Variants in ZNF658 observed in about 807,000 individuals in gnomAD.
ZNF658 encodes zinc finger protein 658.
ZNF658 carries 46 observed loss-of-function variants against 78.0 expected under a neutral mutation model. The ratio of observed to expected loss-of-function variants is 0.59; its 90% CI spans 0.47 to 0.75. ZNF658 has a LOEUF of 0.75. Ranked by LOEUF, ZNF658 falls within the 30% of genes least tolerant of loss-of-function variation. The pLI, the probability that ZNF658 is intolerant of heterozygous loss-of-function variation, is 0.00. For missense variants in ZNF658, 785 were observed against 1,189.3 expected (o/e 0.66, Z 5.00); for synonymous variants, 279 against 408.4 (o/e 0.68, Z 3.82).
intron 6 of ZNF658, among the ~76,000 whole-genome samples, chr9:66,930,385 AC>A (rs1217685990): frequency 7.0e-6 from 1 of 143,530 alleles, no homozygotes; most frequent in Non-Finnish European, 1.5e-5. Flanking sequence ...CATCTACAAG[AC>A]CCCCAGCAAA....
chr9:66,909,641 A>G (rs1356496767), intron 4 of ZNF658, among the ~76,000 whole-genome samples: 1 of 152,128 alleles, frequency 6.6e-6, no homozygotes. Context: ...AGGAACCACC[A>G]GACTGTTTTT....
rs571313812 is a variant in ZNF658 at position 66,917,706 on chromosome 9, C to T, written c.239-99C>T. On this transcript the variant is annotated intron_variant, in intron 4 of 4. Transcript: ENST00000621410. ...CCAGCCTGGGTGACAGAGCAATACC[C>T]TATTTCAAAAACCAAAACCAAAATC... is the stretch of plus-strand genomic sequence containing the variant. 27 of 1,239,678 alleles carry T rather than the reference C, an allele frequency of 2.2e-5. No homozygotes were observed. In the East Asian group the frequency reaches 5.9e-4, roughly 27 times the overall value. The allele number at this position is 1,239,678 out of a possible 1,614,324, so 76.8% of individuals were successfully genotyped here. A position where few individuals can be genotyped will look rare whatever the true frequency, so the allele number is the denominator to read the frequency against.
Position 66,918,198 on chromosome 9 carries a change from T to A in ZNF658, c.632T>A (p.Leu211Ter), listed in dbSNP as rs751424654. ...KKDQHWKFQT[L>*]EESFECDGSG... Reference sequence around the variant, plus strand: ...GATCAGCATTGGAAATTTCAAACTTTGGAGGAATCTTTTGAATGTGATGGA... The same window carrying A: ...GATCAGCATTGGAAATTTCAAACTTAGGAGGAATCTTTTGAATGTGATGGA... Residue 211 changes from leucine to a stop codon, truncating the protein, a stop_gained, in exon 5 of 5, where the codon TTG (leucine) becomes TAG (stop). Coordinates refer to ENST00000621410, the MANE Select transcript of ZNF658 (RefSeq NM_033160.7). LOFTEE classifies it high-confidence loss of function. 1.2e-6 allele frequency: 2 copies of A among 1,606,268 alleles called. No individual in the cohort carries two copies. Among genetic ancestry groups the A allele is most frequent in the Admixed American group, 1.7e-5 (1 of 58,358 alleles).
At chr9:66,913,139 C>T (rs1822252091) in intron 4 of ZNF658, among the ~76,000 whole-genome samples, 5 of 149,770 alleles carry the variant, frequency 3.3e-5, no homozygotes, top group Admixed American at 3.3e-4. Flanking sequence ...AATGTAGAAG[C>T]CTCAGCTAGG....
chr9:66,912,899 T>A (rs1194732210), intron 4 of ZNF658, among the ~76,000 whole-genome samples: 1 of 151,420 alleles, frequency 6.6e-6, no homozygotes, highest in Non-Finnish European at 1.5e-5. Context: ...TACAAAAAAA[T>A]TAGCCAATCA....
chr9:66,906,559 G>A, intron 2 of ZNF658, among the ~76,000 whole-genome samples: 1 of 151,128 alleles, frequency 6.6e-6, no homozygotes, highest in East Asian at 2.0e-4. Context: ...TTTCACACTG[G>A]GGAACTCTGA....
chr9:66,915,053 GCACACACACACACACACACA>G (rs10608839), intron 4 of ZNF658, among the ~76,000 whole-genome samples: 2 of 144,124 alleles, frequency 1.4e-5, no homozygotes, highest in South Asian at 2.2e-4. Context: ...CTTTGGAATT[GCACACACACACACACACACA>G]CACACACACA....
chr9:66,901,295 A>T (rs1821947583), intron 1 of ZNF658, among the ~76,000 whole-genome samples: 3 of 152,122 alleles, frequency 2.0e-5, no homozygotes, highest in South Asian at 2.1e-4. Flanking sequence ...GTTCATGGGG[A>T]TGGGTACCCC....
At chr9:66,913,432 A>G (rs1329176556) in intron 4 of ZNF658, among the ~76,000 whole-genome samples, 3 of 87,062 alleles carry the variant, frequency 3.4e-5, no homozygotes, top group Admixed American at 1.0e-4. Flanking sequence ...AAAAGGAAGG[A>G]AAAAAAAAAA....
rs1475639981 is a variant in ZNF658, at chr9:66,920,422, C to G, written c.2856C>G (p.Thr952=). 24 of 1,609,612 alleles carry G rather than the reference C, an allele frequency of 1.5e-5. No individual in the cohort carries two copies. The highest frequency in any genetic ancestry group is 1.8e-5 in the Non-Finnish European group (21 of 1,179,238). The stretch of plus-strand genomic sequence containing the variant: ...GGAAGCCATTTGCCCATAATTCAAC[C>G]CTCAGAGTACATCAAAGAATTCACA... ...VCGKPFAHNS[T]LRVHQRIHTG... The change falls in exon 5 of 5, where the codon ACC becomes ACG. Residue 952 remains threonine, a synonymous_variant. Coordinates refer to ENST00000621410, the MANE Select transcript of ZNF658 (RefSeq NM_033160.7).
At chr9:66,909,638 A>G (rs1462633112) in intron 4 of ZNF658, among the ~76,000 whole-genome samples, 3 of 152,124 alleles carry the variant, frequency 2.0e-5, no homozygotes, top group Non-Finnish European at 4.4e-5. Flanking sequence ...TTGAGGAACC[A>G]CCAGACTGTT....
At chr9:66,915,174 A>G (rs1054802286) in intron 4 of ZNF658, among the ~76,000 whole-genome samples, 29 of 152,140 alleles carry the variant, frequency 1.9e-4, no homozygotes, top group Non-Finnish European at 3.8e-4. Context: ...TGAGTAAATT[A>G]GACATTCAGT....
intron 1 of ZNF658, among the ~76,000 whole-genome samples, chr9:66,901,382 G>A (rs1300706630): frequency 6.6e-6 from 1 of 152,074 alleles, no homozygotes; most frequent in Non-Finnish European, 1.5e-5. Context: ...CATGCTGTCT[G>A]CCTGAAACCC....
At chr9:66,930,687 T>A (rs1380612524) in intron 6 of ZNF658, among the ~76,000 whole-genome samples, 4 of 151,976 alleles carry the variant, frequency 2.6e-5, no homozygotes, top group African/African-American at 4.8e-5. Flanking sequence ...AAAAAAAAAA[T>A]GGAATTTTCT....
At chr9:66,905,720 T>G (rs1189004824) in intron 2 of ZNF658, among the ~76,000 whole-genome samples, 1 of 144,140 alleles carries the variant, frequency 6.9e-6, no homozygotes. Flanking sequence ...AAGTTTCTAT[T>G]TGGTCCCTTT....
chr9:66,922,621 T>C (rs1179707332), downstream of ZNF658, among the ~76,000 whole-genome samples: 1 of 63,986 alleles, frequency 1.6e-5, no homozygotes, highest in Non-Finnish European at 3.4e-5. Context: ...AGGTATACTA[T>C]TGTAAGGTTT....
intron 2 of ZNF658, among the ~76,000 whole-genome samples, chr9:66,905,258 T>C (rs1341323138): frequency 6.6e-6 from 1 of 150,572 alleles, no homozygotes; most frequent in Non-Finnish European, 1.5e-5. Flanking sequence ...GTATTTTTAG[T>C]AGAGATGGGG....
In ZNF658 at chr9:66,908,702, T is replaced by C. The variant is rs1199557879; in HGVS notation, c.206T>C (p.Leu69Ser). The C allele has an allele frequency of 5.6e-6, 9 of 1,608,510 alleles. 1 individual carries two copies. Among genetic ancestry groups the C allele is most frequent in the Non-Finnish European group, 5.9e-6 (7 of 1,177,604 alleles). Residue 69 changes from leucine to serine, a missense_variant, in exon 4 of 5, where the codon TTA becomes TCA. Physicochemically the swap from Leu to Ser is moderately radical, Grantham distance 145. This residue lies in a region of ZNF658 where 79 missense variants were observed against 96.5 expected (regional missense o/e 0.82). Coordinates refer to ENST00000621410, the MANE Select transcript of ZNF658 (RefSeq NM_033160.7). Reference sequence around the variant, plus strand: ...GAGAAAGGAGAAGAGCCATGGTCTTTAGAAGATGAATTCCTGAACCAGAGG... The same window carrying C: ...GAGAAAGGAGAAGAGCCATGGTCTTCAGAAGATGAATTCCTGAACCAGAGG... ...KLEKGEEPWSLEDEFLNQRYP... is the reference protein window; with the variant it reads ...KLEKGEEPWSSEDEFLNQRYP...
At chr9:66,916,219 G>A (rs903450234) in intron 4 of ZNF658, among the ~76,000 whole-genome samples, 1 of 152,156 alleles carries the variant, frequency 6.6e-6, no homozygotes, top group Non-Finnish European at 1.5e-5. Flanking sequence ...TTATCTCTGT[G>A]TACTGCCTTA....
Sources: allele counts gnomAD v4.1 joint callset (sites outside exome capture counted in the v4.1 genomes callset), GRCh38; gene constraint gnomAD v4.1.1; regional missense constraint gnomAD v4.1.1; transcripts MANE v1.5; gene names NCBI Gene and HGNC (gene_info 2026-07-23, HGNC 2026-07-21).